Variants in RP1 observed in about 807,000 individuals in gnomAD.
RP1 encodes oxygen-regulated protein 1.
A neutral mutation model predicts 14.8 loss-of-function variants in RP1; 16 were observed. That is an observed-to-expected ratio of 1.08 (90% CI 0.73 to 1.65). RP1 has a LOEUF of 1.65. Ranked by LOEUF, RP1 falls within the 40% of genes most tolerant of loss-of-function variation. The pLI is 0.00. For missense variants in RP1, 2,631 were observed against 2,535.0 expected, an observed-to-expected ratio of 1.04 and a Z score of -0.81; for synonymous variants, 876 against 883.6, an observed-to-expected ratio of 0.99 and a Z score of 0.15.
chr8:54,847,799 A>AGT (rs1279918138), intron 25 of RP1, among the ~76,000 whole-genome samples: 1 of 152,190 alleles, frequency 6.6e-6, no homozygotes. Context: ...GCTCTGGGGC[A>AGT]GTGTGTGTGG....
intron 24 of RP1, among the ~76,000 whole-genome samples, chr8:54,804,623 C>T (rs1563381301): frequency 2.6e-5 from 4 of 151,724 alleles, no homozygotes; most frequent in South Asian, 4.2e-4. Flanking sequence ...ATTCTGACAA[C>T]AAAAAAACAT....
chr8:54,563,439 T>C (rs945737808), intron 1 of RP1, among the ~76,000 whole-genome samples: 1 of 152,232 alleles, frequency 6.6e-6, no homozygotes, highest in African/African-American at 2.4e-5. Context: ...GTGATGTAGA[T>C]AAAATATCTC....
At chr8:54,795,726 G>C (rs1416482035) in intron 24 of RP1, among the ~76,000 whole-genome samples, 1 of 151,986 alleles carries the variant, frequency 6.6e-6, no homozygotes, top group Admixed American at 6.6e-5. Flanking sequence ...TTTATTTGTG[G>C]ACTTGATCAT....
chr8:54,583,129 T>G (rs1295400104), intron 1 of RP1, among the ~76,000 whole-genome samples: 1 of 152,210 alleles, frequency 6.6e-6, no homozygotes, highest in Non-Finnish European at 1.5e-5. Context: ...TGATATTGGC[T>G]TTGGGTTTGT....
intron 17 of RP1, among the ~76,000 whole-genome samples, chr8:54,727,303 G>T (rs1166584841): frequency 6.6e-6 from 1 of 151,968 alleles, no homozygotes; most frequent in East Asian, 1.9e-4. Context: ...TGAATCCATG[G>T]AGCAGTGTGA....
chr8:54,745,369 T>A (rs2129361524), intron 19 of RP1, among the ~76,000 whole-genome samples: 1 of 152,346 alleles, frequency 6.6e-6, no homozygotes, highest in East Asian at 1.9e-4. Context: ...AACATGTTAA[T>A]TCAGACATTG....
At chr8:54,730,893 T>C (rs1306294213) in intron 17 of RP1, among the ~76,000 whole-genome samples, 1 of 152,156 alleles carries the variant, frequency 6.6e-6, no homozygotes, top group African/African-American at 2.4e-5. Context: ...GGGGATGCTT[T>C]CACTGTCTTA....
chr8:54,775,078 A>T (rs1407613342), intron 23 of RP1, among the ~76,000 whole-genome samples: 1 of 152,096 alleles, frequency 6.6e-6, no homozygotes, highest in East Asian at 1.9e-4. Context: ...GATGACAAAA[A>T]AAAAAAATGT....
chr8:54,744,984 C>T (rs957652280), intron 19 of RP1, among the ~76,000 whole-genome samples: 1 of 152,080 alleles, frequency 6.6e-6, no homozygotes, highest in Admixed American at 6.5e-5. Flanking sequence ...CTAAAATAAA[C>T]AATAGCACAG....
At chr8:54,805,673 A>C (rs1437222682) in intron 24 of RP1, among the ~76,000 whole-genome samples, 3 of 151,586 alleles carry the variant, frequency 2.0e-5, no homozygotes, top group African/African-American at 4.9e-5. Flanking sequence ...TGGCGATGAC[A>C]CCAGGTGCAT....
Position 54,824,956 on chromosome 8 carries a change from C to CTTA in RP1, c.3616-12492_3616-12491insATT, listed in dbSNP as rs1554537141. On this transcript the variant is annotated intron_variant, in intron 24 of 28. Coordinates refer to the RP1 transcript ENST00000637698. ...ACTCAGAGCTAACACTATTCTTTTT[C>CTTA]TTTCTTTTTTTTTTTTAATTTATTT... Among the ~76,000 whole-genome samples the CTTA allele has an allele frequency of 5.6e-3, 848 of 151,038 alleles. 9 individuals are homozygous for CTTA. The highest frequency in any genetic ancestry group is 8.5e-3 in the Non-Finnish European group (577 of 67,490).
intron 24 of RP1, among the ~76,000 whole-genome samples, chr8:54,797,530 A>AACACACAC (rs3077304): frequency 0.03 from 4,491 of 148,294 alleles, 121 homozygotes; most frequent in African/African-American, 0.072. Flanking sequence ...CATAGGACTA[A>AACACACAC]ACACACACAC....
chr8:54,591,873 C>G (rs1805048872), intron 1 of RP1, among the ~76,000 whole-genome samples: 1 of 152,158 alleles, frequency 6.6e-6, no homozygotes, highest in Admixed American at 6.5e-5. Flanking sequence ...GGCTTACTCA[C>G]AGGGTGGATA....
At chr8:54,581,087 G>T (rs1226476460) in intron 1 of RP1, among the ~76,000 whole-genome samples, 1 of 152,000 alleles carries the variant, frequency 6.6e-6, no homozygotes, top group Non-Finnish European at 1.5e-5. Flanking sequence ...CATATGCCAT[G>T]TTGGTGTGCT....
chr8:54,696,551 C>A, intron 12 of RP1: 1 of 744,194 alleles, frequency 1.3e-6, no homozygotes, highest in Non-Finnish European at 2.3e-6. Flanking sequence ...GTTTAAGTGA[C>A]TGGAATTATT....
chr8:54,739,074 A>T, intron 19 of RP1: 1 of 1,361,106 alleles, frequency 7.3e-7, no homozygotes, highest in Non-Finnish European at 1.0e-6. Context: ...TTCTCTGATG[A>T]AAAGAAGCAA....
chr8:54,622,327 C>A, intron 3 of RP1, 39 bp downstream of exon 3: 1 of 1,606,260 alleles, frequency 6.2e-7, no homozygotes, highest in South Asian at 1.1e-5. Context: ...ATTTTTAGCC[C>A]TGAGATTTTT....
intron 17 of RP1, among the ~76,000 whole-genome samples, chr8:54,729,300 T>A (rs1364078310): frequency 2.0e-5 from 3 of 152,160 alleles, no homozygotes; most frequent in Admixed American, 2.0e-4. Context: ...TGCCAGTCCA[T>A]CATCTGTTTG....
At chr8:54,791,960 G>C (rs528648045) in intron 24 of RP1, among the ~76,000 whole-genome samples, 6 of 152,100 alleles carry the variant, frequency 3.9e-5, no homozygotes, top group African/African-American at 1.4e-4. Flanking sequence ...GCTGCCTATA[G>C]GGGACTCACT....
Sources: gnomAD v4.1 joint callset for allele counts (sites outside exome capture counted in the v4.1 genomes callset) on GRCh38, gnomAD v4.1.1 for gene constraint, MANE v1.5 for transcripts, NCBI Gene and HGNC (gene_info 2026-07-23, HGNC 2026-07-21) for gene names.